The following GALNTL6 variants were observed in gnomAD, a reference collection of about 807,000 sequenced individuals.
The protein encoded by GALNTL6 is polypeptide N-acetylgalactosaminyltransferase like 6.
In GALNTL6, 46 loss-of-function variants were observed where a neutral mutation model predicts 73.7. The observed-to-expected ratio is 0.62, with a 90% confidence interval of 0.49 to 0.80. The LOEUF is 0.80. Ranked by LOEUF, GALNTL6 falls within the 30% of genes least tolerant of loss-of-function variation. GALNTL6 has a pLI of 0.00. For missense variants in GALNTL6, 604 were observed against 755.0 expected, an observed-to-expected ratio of 0.80 and a Z score of 2.34; for synonymous variants, 259 against 263.7, an observed-to-expected ratio of 0.98 and a Z score of 0.17.
chr4:172,678,649 G>A (rs1579326233), intron 5 of GALNTL6, among the ~76,000 whole-genome samples: 1 of 152,150 alleles, frequency 6.6e-6, no homozygotes, highest in South Asian at 2.1e-4. Flanking sequence ...TACATTGAAA[G>A]CAGCCATTAG....
chr4:172,826,408 T>C (rs1742270881), intron 7 of GALNTL6, among the ~76,000 whole-genome samples: 2 of 152,216 alleles, frequency 1.3e-5, no homozygotes. Flanking sequence ...GCACACACGA[T>C]GCAGGTGGAC....
At chr4:172,541,060 A>G (rs1246592673) in intron 5 of GALNTL6, among the ~76,000 whole-genome samples, 1 of 152,174 alleles carries the variant, frequency 6.6e-6, no homozygotes, top group Non-Finnish European at 1.5e-5. Context: ...TCAAAGAAAG[A>G]TATTTTGGCC....
At chr4:172,593,787 T>C (rs936374038) in intron 5 of GALNTL6, among the ~76,000 whole-genome samples, 27 of 152,046 alleles carry the variant, frequency 1.8e-4, no homozygotes, top group African/African-American at 5.8e-4. Context: ...TGGAGTGTAA[T>C]AGTGTGATCT....
intron 5 of GALNTL6, among the ~76,000 whole-genome samples, chr4:172,661,357 G>A (rs988326730): frequency 6.6e-6 from 1 of 152,106 alleles, no homozygotes; most frequent in African/African-American, 2.4e-5. Flanking sequence ...GACTCATCAA[G>A]CCTTTATCAT....
chr4:172,585,587 C>A (rs761052937), intron 5 of GALNTL6, among the ~76,000 whole-genome samples: 1 of 152,134 alleles, frequency 6.6e-6, no homozygotes, highest in Non-Finnish European at 1.5e-5. Context: ...GACATAATCC[C>A]ACTCTTTTTT....
intron 5 of GALNTL6, among the ~76,000 whole-genome samples, chr4:172,806,587 A>G (rs981222634): frequency 6.6e-6 from 1 of 152,176 alleles, no homozygotes; most frequent in Non-Finnish European, 1.5e-5. Flanking sequence ...AGCTATAGGA[A>G]ATTACTCATT....
intron 9 of GALNTL6, among the ~76,000 whole-genome samples, chr4:172,937,256 G>T (rs1748668675): frequency 6.6e-6 from 1 of 151,844 alleles, no homozygotes. Flanking sequence ...AAAGTCTAAA[G>T]AAATTAACAT....
chr4:172,081,667 C>A (rs1347771318), intron 2 of GALNTL6, among the ~76,000 whole-genome samples: 1 of 151,956 alleles, frequency 6.6e-6, no homozygotes, highest in Non-Finnish European at 1.5e-5. Context: ...AAAAAATTGA[C>A]AATCTCTGTG....
intron 5 of GALNTL6, among the ~76,000 whole-genome samples, chr4:172,789,792 T>A (rs1038984639): frequency 1.3e-5 from 2 of 152,124 alleles, no homozygotes; most frequent in African/African-American, 4.8e-5. Context: ...TGGGGGAAGA[T>A]TAGAGTCCTG....
At chr4:172,083,022 G>A (rs759772368) in intron 2 of GALNTL6, among the ~76,000 whole-genome samples, 12 of 152,022 alleles carry the variant, frequency 7.9e-5, no homozygotes, top group Admixed American at 3.3e-4. Flanking sequence ...CTTCCTCTCA[G>A]CTCATAGTAG....
At chr4:171,894,771 G>T (rs1379586911) in intron 2 of GALNTL6, among the ~76,000 whole-genome samples, 1 of 152,126 alleles carries the variant, frequency 6.6e-6, no homozygotes, top group Non-Finnish European at 1.5e-5. Context: ...GGGGCCTATT[G>T]TCACACCATG....
chr4:172,717,122 A>T (rs1055598996), intron 5 of GALNTL6, among the ~76,000 whole-genome samples: 3 of 50,008 alleles, frequency 6.0e-5, no homozygotes, highest in Non-Finnish European at 2.1e-4. Context: ...TCTCTAAGTT[A>T]CAAAAAATTC....
rs1307054681 is a variant in GALNTL6 at position 171,968,845 on chromosome 4, G to A, written c.138+154127G>A. Among the ~76,000 whole-genome samples the A allele has an allele frequency of 1.3e-4, 19 of 149,210 alleles. No individual in the cohort carries two copies. The South Asian group carries it at 3.8e-3, about 30-fold the overall frequency. ...CTATTTTTTTTTTGTGCGGGGTGGG[G>A]GGGGGGTTGGGGACAGAGTCTCGCT... On this transcript the variant is annotated intron_variant, in intron 2 of 12. Coordinates refer to ENST00000506823, the MANE Select transcript of GALNTL6 (RefSeq NM_001034845.3).
At chr4:172,595,684 T>C (rs1737824328) in intron 5 of GALNTL6, among the ~76,000 whole-genome samples, 1 of 152,198 alleles carries the variant, frequency 6.6e-6, no homozygotes, top group Admixed American at 6.5e-5. Context: ...GCAAACTATT[T>C]TTTTTCCAAT....
chr4:172,816,175 G>C (rs550788595), intron 7 of GALNTL6, among the ~76,000 whole-genome samples: 1 of 152,202 alleles, frequency 6.6e-6, no homozygotes, highest in Non-Finnish European at 1.5e-5. Context: ...GGGAGAGGAG[G>C]CTGAAAGGCT....
In GALNTL6 at chr4:172,072,866, T is replaced by C. The variant is rs114003779; in HGVS notation, c.139-156790T>C. On this transcript the variant is annotated intron_variant, in intron 2 of 12. Transcript: ENST00000506823. ...TATGCAGTCTATCTTTTATACAGCA[T>C]AGAAGATTTCATTTTCTTCCTCAAA... Among the ~76,000 whole-genome samples the C allele has an allele frequency of 5.4e-3, 820 of 152,344 alleles. 1 individual carries two copies. Among genetic ancestry groups the C allele is most frequent in the Non-Finnish European group, 9.9e-3 (670 of 68,016 alleles).
intron 2 of GALNTL6, among the ~76,000 whole-genome samples, chr4:171,898,305 T>C (rs754052319): frequency 1.3e-5 from 2 of 152,258 alleles, no homozygotes; most frequent in East Asian, 3.9e-4. Context: ...TTGAAGTAGT[T>C]TGACATTTAA....
intron 3 of GALNTL6, among the ~76,000 whole-genome samples, chr4:172,232,112 G>A (rs1354145625): frequency 6.7e-6 from 1 of 150,168 alleles, no homozygotes; most frequent in Non-Finnish European, 1.5e-5. Flanking sequence ...ATACGTGTGT[G>A]TACACACACA....
chr4:172,410,281 C>CAT (rs1744383431), intron 5 of GALNTL6, among the ~76,000 whole-genome samples: 1 of 151,920 alleles, frequency 6.6e-6, no homozygotes, highest in African/African-American at 2.4e-5. Context: ...CCATCTTAAC[C>CAT]ATATATATGC....
Sources: allele counts gnomAD v4.1 joint callset (sites outside exome capture counted in the v4.1 genomes callset), GRCh38; gene constraint gnomAD v4.1.1; transcripts MANE v1.5; gene names NCBI Gene and HGNC (gene_info 2026-07-23, HGNC 2026-07-21).